PCDH7: variants seen among roughly 807,000 people sequenced by gnomAD.
PCDH7 encodes protocadherin-7.
In PCDH7, 17 loss-of-function variants were observed where a neutral mutation model predicts 58.9. The observed-to-expected ratio is 0.29, with a 90% CI of 0.20 to 0.43. PCDH7 has a LOEUF of 0.43. Ranked by LOEUF, PCDH7 falls within the 20% of genes least tolerant of loss-of-function variation. PCDH7 has a pLI of 1.00. For synonymous variants in PCDH7, 664 were observed against 616.4 expected, an observed-to-expected ratio of 1.08 and a Z score of -1.14; for missense variants, 1,274 against 1,441.0, an observed-to-expected ratio of 0.88 and a Z score of 1.88.
intron 3 of PCDH7, among the ~76,000 whole-genome samples, chr4:31,058,316 G>A (rs1468341828): frequency 6.6e-6 from 1 of 152,040 alleles, no homozygotes; most frequent in Non-Finnish European, 1.5e-5. Context: ...CTGTTTAATA[G>A]AGTATGCACA....
intron 1 of PCDH7, among the ~76,000 whole-genome samples, chr4:30,817,514 G>T (rs1727843358): frequency 6.6e-6 from 1 of 152,094 alleles, no homozygotes. Flanking sequence ...AAATAAGTAG[G>T]TGTGAAATAT....
chr4:30,795,419 G>A (rs1724658753), intron 1 of PCDH7, among the ~76,000 whole-genome samples: 1 of 152,192 alleles, frequency 6.6e-6, no homozygotes, highest in Non-Finnish European at 1.5e-5. Context: ...GTAAGAAACT[G>A]TAAGTAATAG....
rs527283005 is a variant in PCDH7, at chr4:30,804,283, G to C, written c.70+79687G>C. 9.2e-5 allele frequency among the ~76,000 whole-genome samples: 14 copies of C among 152,310 alleles called. No homozygotes were observed. The South Asian group carries it at 2.7e-3, about 29-fold the overall frequency. Reference sequence around the variant, plus strand: ...AGGCCAGGCACGGTGGCTCATGCCTGTTATCCCAGCACTTTGGGAGGCCAA... The same window carrying C: ...AGGCCAGGCACGGTGGCTCATGCCTCTTATCCCAGCACTTTGGGAGGCCAA... On this transcript the variant is annotated intron_variant, in intron 1 of 3. Coordinates refer to the PCDH7 transcript ENST00000509759.
At chr4:31,136,550 G>C (rs576289219) in intron 3 of PCDH7, among the ~76,000 whole-genome samples, 1 of 152,268 alleles carries the variant, frequency 6.6e-6, no homozygotes, top group South Asian at 2.1e-4. Flanking sequence ...TAAATCAAGT[G>C]ATCCTGTAAT....
chr4:31,039,842 A>C (rs1423980964), intron 3 of PCDH7, among the ~76,000 whole-genome samples: 2 of 152,192 alleles, frequency 1.3e-5, no homozygotes, highest in Non-Finnish European at 2.9e-5. Context: ...TCTCGTGATT[A>C]TATCTTCAAA....
intron 1 of PCDH7, among the ~76,000 whole-genome samples, chr4:30,873,317 A>G (rs1578124115): frequency 6.6e-6 from 1 of 152,194 alleles, no homozygotes; most frequent in Non-Finnish European, 1.5e-5. Flanking sequence ...GGTATAAAAT[A>G]TTTATGTATT....
At chr4:30,823,155 G>A (rs1309132843) in intron 1 of PCDH7, among the ~76,000 whole-genome samples, 1 of 152,036 alleles carries the variant, frequency 6.6e-6, no homozygotes, top group Non-Finnish European at 1.5e-5. Context: ...CTTTTGCTTC[G>A]CAGGGTTGAT....
At chr4:31,138,690 G>A (rs920210182) in intron 3 of PCDH7, among the ~76,000 whole-genome samples, 2 of 152,132 alleles carry the variant, frequency 1.3e-5, no homozygotes, top group African/African-American at 4.8e-5. Flanking sequence ...TTGTTTGCTA[G>A]TTTGATGGCT....
intron 1 of PCDH7, among the ~76,000 whole-genome samples, chr4:30,883,223 G>GA (rs536531766): frequency 1.3e-5 from 2 of 152,118 alleles, no homozygotes; most frequent in African/African-American, 2.4e-5. Context: ...TTTTATAGAG[G>GA]AAAAAACCTA....
intron 3 of PCDH7, among the ~76,000 whole-genome samples, chr4:30,997,465 T>G (rs1752002366): frequency 6.6e-6 from 1 of 152,146 alleles, no homozygotes; most frequent in Non-Finnish European, 1.5e-5. Flanking sequence ...AATATAAATG[T>G]GGATGGTAGT....
intron 1 of PCDH7, among the ~76,000 whole-genome samples, chr4:30,832,923 A>T (rs1729985177): frequency 6.6e-6 from 1 of 152,082 alleles, no homozygotes; most frequent in Non-Finnish European, 1.5e-5. Flanking sequence ...TGTAGGTCAC[A>T]GAAGGCAGGC....
At chr4:30,926,700 G>A (rs1426355344) in intron 2 of PCDH7, among the ~76,000 whole-genome samples, 2 of 152,174 alleles carry the variant, frequency 1.3e-5, no homozygotes, top group Non-Finnish European at 2.9e-5. Flanking sequence ...ATGAGGGGAA[G>A]GAAGTCTTCT....
At chr4:30,724,927 G>A (rs1457832586) in intron 1 of PCDH7, 12 of 1,079,552 alleles carry the variant, frequency 1.1e-5, no homozygotes, top group Non-Finnish European at 1.2e-5. Context: ...TTACTTAGAT[G>A]GTTAGTTTTC....
At chr4:30,756,643 C>A (rs13353549) in intron 1 of PCDH7, among the ~76,000 whole-genome samples, 2 of 152,112 alleles carry the variant, frequency 1.3e-5, no homozygotes, top group East Asian at 3.9e-4. Context: ...GTTTGTTATC[C>A]CTGTATGTTA....
At chr4:30,980,610 C>T (rs573764193) in intron 3 of PCDH7, among the ~76,000 whole-genome samples, 2 of 152,018 alleles carry the variant, frequency 1.3e-5, no homozygotes, top group East Asian at 1.9e-4. Flanking sequence ...AAAGAAACAT[C>T]GAGTATCATA....
chr4:30,967,558 A>G (rs577557513), intron 3 of PCDH7, among the ~76,000 whole-genome samples: 2 of 152,144 alleles, frequency 1.3e-5, no homozygotes, highest in Non-Finnish European at 1.5e-5. Flanking sequence ...CGCTCTCAAC[A>G]GTAGAAATCA....
At chr4:30,766,843 C>A (rs879322331) in intron 1 of PCDH7, among the ~76,000 whole-genome samples, 1 of 152,060 alleles carries the variant, frequency 6.6e-6, no homozygotes, top group Non-Finnish European at 1.5e-5. Flanking sequence ...TTATCACAGT[C>A]TCTTCAAATT....
chr4:30,914,709 G>A (rs371977642), intron 1 of PCDH7, among the ~76,000 whole-genome samples: 5 of 152,092 alleles, frequency 3.3e-5, no homozygotes, highest in Non-Finnish European at 7.4e-5. Flanking sequence ...GTATACTACC[G>A]TTTATAGTAT....
At chr4:30,778,717 G>A (rs1722395329) in intron 1 of PCDH7, among the ~76,000 whole-genome samples, 1 of 151,986 alleles carries the variant, frequency 6.6e-6, no homozygotes, top group Non-Finnish European at 1.5e-5. Context: ...GGATACCGGT[G>A]TAACTTATTT....
Sources: gnomAD v4.1 joint callset for allele counts (sites outside exome capture counted in the v4.1 genomes callset) on GRCh38, gnomAD v4.1.1 for gene constraint, MANE v1.5 for transcripts, NCBI Gene and HGNC (gene_info 2026-07-23, HGNC 2026-07-21) for gene names.